Variants in LIPK observed in about 807,000 individuals in gnomAD.
LIPK encodes lipase family member K, also known as lipase member K.
A neutral mutation model predicts 48.6 loss-of-function variants in LIPK; 32 were observed. That is an observed-to-expected ratio of 0.66 (90% CI 0.50 to 0.88). The LOEUF is 0.88. LIPK is among the 40% of genes least tolerant of loss of function. The pLI is 0.00. For missense variants in LIPK, 507 were observed against 478.5 expected (o/e 1.06, Z -0.56); for synonymous variants, 164 against 157.4 (o/e 1.04, Z -0.32).
intron 8 of LIPK, among the ~76,000 whole-genome samples, chr10:88,741,886 C>T (rs1034157645): frequency 2.0e-5 from 3 of 152,158 alleles, no homozygotes; most frequent in Non-Finnish European, 4.4e-5. Flanking sequence ...GTGTCTTTCA[C>T]ACTACTATAA....
Position 88,752,593 on chromosome 10 carries a change from C to G in LIPK, c.1037C>G (p.Ala346Gly). 6.4e-7 allele frequency: 1 copy of G among 1,572,978 alleles called. No homozygotes were observed. Among genetic ancestry groups the G allele is most frequent in the Non-Finnish European group, 8.6e-7 (1 of 1,156,792 alleles). ...TGGAATGGTGGACAGGACATTGTGG[C>G]TGATCCCAAGGATGTTGAAAATTTA... ...AIWNGGQDIV[A>G]DPKDVENLLP... is the part of the protein sequence containing the mutation. Residue 346 changes from alanine to glycine, a missense_variant, in exon 10 of 10, where the codon GCT becomes GGT. Coordinates refer to ENST00000404190, the MANE Select transcript of LIPK (RefSeq NM_001080518.2).
chr10:88,740,829 T>A (rs1213038468), intron 8 of LIPK, among the ~76,000 whole-genome samples: 7 of 152,062 alleles, frequency 4.6e-5, no homozygotes, highest in African/African-American at 1.7e-4. Context: ...ACCAGGAATT[T>A]GCATTTTAAT....
chr10:88,714,856 ATTTAT>A (rs994770889), intron 1 of LIPK, among the ~76,000 whole-genome samples: 53 of 151,902 alleles, frequency 3.5e-4, no homozygotes, highest in African/African-American at 1.2e-3. Flanking sequence ...TAATATGTTT[ATTTAT>A]TTTATTATTT....
At chr10:88,746,839 G>C (rs1842774549) in intron 9 of LIPK, among the ~76,000 whole-genome samples, 2 of 152,072 alleles carry the variant, frequency 1.3e-5, no homozygotes, top group Admixed American at 6.6e-5. Context: ...TTGCTTCCTT[G>C]ACAGAATAAA....
intron 1 of LIPK, among the ~76,000 whole-genome samples, chr10:88,718,715 C>G (rs1410915043): frequency 2.0e-5 from 3 of 151,978 alleles, no homozygotes; most frequent in African/African-American, 7.2e-5. Flanking sequence ...AGATATTGTT[C>G]AAATTCTAAA....
chr10:88,710,527 A>G (rs549121241), intron 1 of LIPK, among the ~76,000 whole-genome samples: 9 of 152,328 alleles, frequency 5.9e-5, no homozygotes, highest in African/African-American at 2.2e-4. Context: ...CCAAGCAAAC[A>G]CTATTGTGAT....
intron 3 of LIPK, chr10:88,728,155 C>T (rs141126205): frequency 5.8e-5 from 12 of 207,420 alleles, no homozygotes; most frequent in African/African-American, 2.8e-4. Context: ...TAAGTAGTCT[C>T]GCCTAAAAGG....
At chr10:88,748,826 C>T (rs535535042) in intron 9 of LIPK, among the ~76,000 whole-genome samples, 15 of 152,130 alleles carry the variant, frequency 9.9e-5, no homozygotes, top group South Asian at 2.1e-4. Flanking sequence ...AAATGGCATT[C>T]GAATAGGAAG....
chr10:88,735,643 G>C (rs1842556808), intron 6 of LIPK, among the ~76,000 whole-genome samples: 2 of 152,256 alleles, frequency 1.3e-5, no homozygotes, highest in Admixed American at 1.3e-4. Context: ...ATATGCCCTG[G>C]CATGGGGCCA....
intron 1 of LIPK, among the ~76,000 whole-genome samples, chr10:88,717,265 T>G (rs966920131): frequency 1.3e-5 from 2 of 152,352 alleles, no homozygotes; most frequent in Admixed American, 6.5e-5. Flanking sequence ...TTCAAATGAT[T>G]GTAAAGGAAA....
chr10:88,727,940 T>C (rs1049999463), intron 3 of LIPK: 5 of 365,654 alleles, frequency 1.4e-5, no homozygotes, highest in East Asian at 6.9e-5. Context: ...GTGGACAACA[T>C]GGAGAGCTGC....
intron 1 of LIPK, among the ~76,000 whole-genome samples, chr10:88,718,110 C>T (rs1333163642): frequency 6.6e-6 from 1 of 151,540 alleles, no homozygotes; most frequent in Non-Finnish European, 1.5e-5. Context: ...TTTCTTCCTC[C>T]CATGCATTCT....
chr10:88,737,719 C>A lies in LIPK; in HGVS notation c.754C>A (p.Arg252Ser). The A allele has an allele frequency of 1.2e-6, 2 of 1,613,854 alleles. No homozygotes were observed. Among genetic ancestry groups the A allele is most frequent in the Non-Finnish European group, 1.7e-6 (2 of 1,179,784 alleles). The change falls in exon 7 of 10, where the codon CGT (arginine) becomes AGT (serine). Residue 252 changes from arginine to serine, a missense_variant. Transcript: ENST00000404190. ...CAAAGTGTGCAATCGAAAGCTATTC[C>A]GTCGTATTTGCAGCAACTTCCTATT... The part of the protein sequence containing the change: ...ATKVCNRKLF[R>S]RICSNFLFTL...
intron 9 of LIPK, among the ~76,000 whole-genome samples, chr10:88,744,538 G>A (rs1842736648): frequency 1.3e-5 from 2 of 152,178 alleles, no homozygotes; most frequent in African/African-American, 2.4e-5. Context: ...CTGGTACCCT[G>A]AAGTCATCCA....
chr10:88,746,874 A>G (rs1156545963), intron 9 of LIPK, among the ~76,000 whole-genome samples: 4 of 152,180 alleles, frequency 2.6e-5, no homozygotes. Flanking sequence ...TGCTAGCTAG[A>G]CTAATAAATA....
At chr10:88,746,768 CA>C (rs1489508996) in intron 9 of LIPK, among the ~76,000 whole-genome samples, 30 of 152,162 alleles carry the variant, frequency 2.0e-4, no homozygotes, top group Non-Finnish European at 3.8e-4. Context: ...ACCAAAATTA[CA>C]GCTTAACTGA....
chr10:88,747,013 A>G (rs1267451545), intron 9 of LIPK, among the ~76,000 whole-genome samples: 1 of 152,206 alleles, frequency 6.6e-6, no homozygotes, highest in Non-Finnish European at 1.5e-5. Context: ...TAGAAAATCT[A>G]GAAGAAATGC....
At chr10:88,718,421 G>A (rs915250743) in intron 1 of LIPK, among the ~76,000 whole-genome samples, 1 of 150,934 alleles carries the variant, frequency 6.6e-6, no homozygotes, top group Non-Finnish European at 1.5e-5. Context: ...TCCTTGGGCT[G>A]TGAGAATGTC....
intron 1 of LIPK, among the ~76,000 whole-genome samples, chr10:88,723,818 T>G (rs949337225): frequency 1.3e-5 from 2 of 152,080 alleles, no homozygotes; most frequent in Non-Finnish European, 2.9e-5. Context: ...GAACTCAAAA[T>G]ATATGCACAA....
Sources: allele counts gnomAD v4.1 joint callset (sites outside exome capture counted in the v4.1 genomes callset), GRCh38; gene constraint gnomAD v4.1.1; transcripts MANE v1.5; gene names NCBI Gene and HGNC (gene_info 2026-07-23, HGNC 2026-07-21).